ZCCHC24: variants seen among roughly 807,000 people sequenced by gnomAD.
ZCCHC24 encodes the protein zinc finger CCHC-type containing 24.
ZCCHC24 carries 10 observed loss-of-function variants against 26.2 expected under a neutral mutation model. The ratio of observed to expected loss-of-function variants is 0.38; its 90% CI spans 0.24 to 0.65. ZCCHC24 has a LOEUF of 0.65. ZCCHC24 is among the 30% of genes least tolerant of loss of function. The pLI, the probability that ZCCHC24 is intolerant of heterozygous loss-of-function variation, is 0.54. For synonymous variants in ZCCHC24, 144 were observed against 147.1 expected, an observed-to-expected ratio of 0.98 and a Z score of 0.15; for missense variants, 243 against 329.1, an observed-to-expected ratio of 0.74 and a Z score of 2.03.
Position 79,445,503 on chromosome 10 carries a change from G to A in ZCCHC24, c.-63C>T. On this transcript the variant is annotated 5_prime_UTR_variant, in exon 1 of 4. Transcript: ENST00000372336. ...CTCGCGGCCCCCCTCCGCAGCGGAG[G>A]GGCGGGCACCGGGGAGCCTGTGCCC... 7.9e-7 allele frequency: 1 copy of A among 1,269,630 alleles called. No homozygotes were observed. Among genetic ancestry groups the A allele is most frequent in the Non-Finnish European group, 1.0e-6 (1 of 1,004,004 alleles). The allele number at this position is 1,269,630 out of a possible 1,614,324, so 78.6% of individuals were successfully genotyped here.
rs576371474 is a variant in ZCCHC24, at chr10:79,433,782, G to A, written c.247-1024C>T. The stretch of plus-strand genomic sequence containing the variant: ...TTTTGGGGAGTTCCAGGCTGAAGGG[G>A]AAACAGGGCCTCTGAAAGGAAGGGC... On this transcript the variant is annotated intron_variant, in intron 1 of 3. Transcript: ENST00000372336. 5.0e-4 allele frequency among the ~76,000 whole-genome samples: 76 copies of A among 152,318 alleles called. 1 individual carries two copies. Among genetic ancestry groups the A allele is most frequent in the African/African-American group, 1.8e-3 (73 of 41,554 alleles).
intron 2 of ZCCHC24, among the ~76,000 whole-genome samples, chr10:79,397,997 G>A (rs1315611297): frequency 6.6e-6 from 1 of 152,194 alleles, no homozygotes; most frequent in Non-Finnish European, 1.5e-5. Context: ...AAGAGCGAGG[G>A]GTGAGCCAGG....
At chr10:79,416,705 G>A (rs1002952119) in intron 2 of ZCCHC24, among the ~76,000 whole-genome samples, 2 of 152,070 alleles carry the variant, frequency 1.3e-5, no homozygotes, top group East Asian at 1.9e-4. Flanking sequence ...ATTTATGACA[G>A]CACAGCCTCT....
chr10:79,400,896 C>A (rs1007701282), intron 2 of ZCCHC24, among the ~76,000 whole-genome samples: 1 of 152,282 alleles, frequency 6.6e-6, no homozygotes, highest in African/African-American at 2.4e-5. Context: ...TGTCCACACA[C>A]TGTCACGTGA....
chr10:79,430,254 C>T (rs1261206581), intron 2 of ZCCHC24, among the ~76,000 whole-genome samples: 1 of 152,092 alleles, frequency 6.6e-6, no homozygotes, highest in East Asian at 1.9e-4. Context: ...GTCTGTCCTC[C>T]CACCACTCAT....
chr10:79,402,017 C>T (rs1046650150), intron 2 of ZCCHC24, among the ~76,000 whole-genome samples: 2 of 152,222 alleles, frequency 1.3e-5, no homozygotes, highest in African/African-American at 4.8e-5. Flanking sequence ...ACAGAGGCCA[C>T]AGGGGTGGGG....
intron 2 of ZCCHC24, among the ~76,000 whole-genome samples, chr10:79,431,377 C>T (rs1323599552): frequency 6.6e-6 from 1 of 152,098 alleles, no homozygotes; most frequent in Non-Finnish European, 1.5e-5. Context: ...AGGACAGGAC[C>T]CACTGGAGAT....
At chr10:79,431,981 C>T (rs1857137102) in intron 2 of ZCCHC24, among the ~76,000 whole-genome samples, 1 of 152,140 alleles carries the variant, frequency 6.6e-6, no homozygotes, top group Non-Finnish European at 1.5e-5. Context: ...CCTCGATCTG[C>T]CCGACCCTCC....
intron 2 of ZCCHC24, among the ~76,000 whole-genome samples, chr10:79,404,156 A>G (rs1856677407): frequency 6.6e-6 from 1 of 152,196 alleles, no homozygotes; most frequent in Non-Finnish European, 1.5e-5. Context: ...GAGCCCCTCC[A>G]GGACCCAGAG....
intron 2 of ZCCHC24, among the ~76,000 whole-genome samples, chr10:79,421,364 C>T (rs1856932637): frequency 1.3e-5 from 2 of 152,152 alleles, no homozygotes; most frequent in Non-Finnish European, 1.5e-5. Flanking sequence ...ATGCCATCTG[C>T]CCTAGGCCCA....
chr10:79,393,918 CT>C (rs903827847), intron 3 of ZCCHC24, among the ~76,000 whole-genome samples: 2 of 152,228 alleles, frequency 1.3e-5, no homozygotes, highest in Non-Finnish European at 2.9e-5. Flanking sequence ...GGCCCTACCC[CT>C]CCCACATGCC....
intron 1 of ZCCHC24, 109 bp downstream of exon 1, chr10:79,445,086 G>T: frequency 9.1e-7 from 1 of 1,103,924 alleles, no homozygotes; most frequent in Non-Finnish European, 1.2e-6. Context: ...CCGGCAATGC[G>T]GAGCCGGGCC....
chr10:79,401,191 A>G (rs1032567353), intron 2 of ZCCHC24, among the ~76,000 whole-genome samples: 6 of 152,180 alleles, frequency 3.9e-5, no homozygotes, highest in Admixed American at 3.3e-4. Flanking sequence ...GGTTCCAGCT[A>G]TAGGCCTCGA....
Position 79,430,712 on chromosome 10 carries a change from A to ACACACACACACACC in ZCCHC24, c.447+1845_447+1846insGGTGTGTGTGTGTG, listed in dbSNP as rs1311631405. ...CACACACACACACACACACACACAC[A>ACACACACACACACC]CCCTCTGCTATCCCCGGGCCTCTGG... On this transcript the variant is annotated intron_variant, in intron 2 of 3. Transcript: ENST00000372336. Among the ~76,000 whole-genome samples the ACACACACACACACC allele has an allele frequency of 8.2e-3, 1,216 of 149,060 alleles. 25 individuals carry two copies. Among genetic ancestry groups the ACACACACACACACC allele is most frequent in the African/African-American group, 0.028 (1,103 of 40,106 alleles).
intron 2 of ZCCHC24, among the ~76,000 whole-genome samples, chr10:79,421,982 C>A (rs748757664): frequency 6.6e-6 from 1 of 152,124 alleles, no homozygotes; most frequent in Non-Finnish European, 1.5e-5. Context: ...TGTGAGAAAA[C>A]CTCAGTTTCC....
At chr10:79,419,976 C>T (rs2132204121) in intron 2 of ZCCHC24, among the ~76,000 whole-genome samples, 1 of 152,110 alleles carries the variant, frequency 6.6e-6, no homozygotes, top group East Asian at 1.9e-4. Flanking sequence ...ACTGGCCCTC[C>T]TAGGCTCTTT....
chr10:79,397,010 G>T (rs909586150), intron 2 of ZCCHC24, among the ~76,000 whole-genome samples: 1 of 152,214 alleles, frequency 6.6e-6, no homozygotes, highest in Non-Finnish European at 1.5e-5. Context: ...AGAACAAAAA[G>T]TGGTATATAA....
In ZCCHC24 at chr10:79,388,399, T is replaced by C. The variant is rs555489631; in HGVS notation, c.613-1941A>G. ...ACAGCTCCTCCATCTGGGGCTTGGGTGCCCTCAGGGCTGGAGAGCTGCCTG... is the reference window on the plus strand; with the variant it reads ...ACAGCTCCTCCATCTGGGGCTTGGGCGCCCTCAGGGCTGGAGAGCTGCCTG... On this transcript the variant is annotated intron_variant, in intron 3 of 3. Transcript: ENST00000372336. 3.7e-4 allele frequency among the ~76,000 whole-genome samples: 57 copies of C among 152,316 alleles called. 1 individual carries two copies. Among genetic ancestry groups the C allele is most frequent in the Middle Eastern group, 6.8e-3 (2 of 294 alleles).
intron 3 of ZCCHC24, among the ~76,000 whole-genome samples, chr10:79,391,815 G>A (rs1825196814): frequency 6.6e-6 from 1 of 151,108 alleles, no homozygotes; most frequent in Admixed American, 6.6e-5. Flanking sequence ...CTCCCCTCCT[G>A]CCTCCTCTGT....
Sources: allele counts gnomAD v4.1 joint callset (sites outside exome capture counted in the v4.1 genomes callset), GRCh38; gene constraint gnomAD v4.1.1; transcripts MANE v1.5; gene names NCBI Gene and HGNC (gene_info 2026-07-23, HGNC 2026-07-21).